FLNB: variants seen among roughly 807,000 people sequenced by gnomAD.
The protein encoded by FLNB is filamin B.
Under a neutral mutation model 250.6 loss-of-function variants are expected in FLNB, and 111 were observed. The observed-to-expected ratio is 0.44, with a 90% CI of 0.38 to 0.52. The LOEUF (loss-of-function observed/expected upper bound fraction) is 0.52. Among genes scored for constraint, FLNB ranks in the 20% least tolerant of loss-of-function variants. The pLI is 0.00. For synonymous variants in FLNB, 1,302 were observed against 1,372.1 expected (o/e 0.95, Z 1.13); for missense variants, 2,869 against 3,447.8 (o/e 0.83, Z 4.20).
chr3:58,010,912 C>A (rs1004824128), intron 1 of FLNB, among the ~76,000 whole-genome samples: 2 of 152,060 alleles, frequency 1.3e-5, no homozygotes, highest in African/African-American at 4.8e-5. Context: ...CCTGCTCCCC[C>A]TCCCCACCAC....
chr3:58,044,844 A>T (rs952985141), intron 1 of FLNB, among the ~76,000 whole-genome samples: 1 of 152,170 alleles, frequency 6.6e-6, no homozygotes, highest in African/African-American at 2.4e-5. Flanking sequence ...AGAGGCATGA[A>T]TGAGAATTTC....
chr3:58,123,227 C>T lies in FLNB; in HGVS notation c.3261C>T (p.Cys1087=). 1 of 1,614,134 alleles carries T rather than the reference C, an allele frequency of 6.2e-7. No individual in the cohort carries two copies. The highest frequency in any genetic ancestry group is 1.3e-5 in the African/African-American group (1 of 75,042). Residue 1087 remains cysteine (C), a synonymous_variant, in exon 21 of 46, where the codon TGC becomes TGT. Transcript: ENST00000295956. ...GTCCGTGCGAGGCCAAAATCGAGTG[C>T]TCCGACAATGGTGATGGGACCTGCT... The part of the protein sequence containing the change: ...VEGPCEAKIE[C]SDNGDGTCSV...
rs1489899661 is a variant in FLNB, at chr3:58,150,356, T to C, written c.6367+129T>C. 5.2e-6 allele frequency: 5 copies of C among 952,808 alleles called. No individual in the cohort carries two copies. The African/African-American group carries it at 6.5e-5, about 12-fold the overall frequency. The allele number at this position is 952,808 out of a possible 1,614,324, so 59.0% of individuals were successfully genotyped here. A position where few individuals can be genotyped will look rare whatever the true frequency, so the allele number is the denominator to read the frequency against. On this transcript the variant is annotated intron_variant, in intron 38 of 45. Coordinates refer to ENST00000295956, the MANE Select transcript of FLNB (RefSeq NM_001457.4). ...CAAGTCGGCTGTGCTGACCTTTTCATTTCACTTCATTTCATTATGTTCTTC... is the reference window on the plus strand; with the variant it reads ...CAAGTCGGCTGTGCTGACCTTTTCACTTCACTTCATTTCATTATGTTCTTC...
chr3:58,044,926 A>G (rs1201058668), intron 1 of FLNB, among the ~76,000 whole-genome samples: 2 of 152,234 alleles, frequency 1.3e-5, no homozygotes, highest in Non-Finnish European at 2.9e-5. Flanking sequence ...AGAGTGTGCT[A>G]CAGCCAAGGA....
intron 14 of FLNB, 26 bp downstream of exon 14, chr3:58,109,348 T>C: frequency 6.2e-7 from 1 of 1,607,294 alleles, no homozygotes; most frequent in Non-Finnish European, 8.5e-7. Flanking sequence ...GAATCCTGGC[T>C]GTTTTATGGA....
chr3:58,085,443 C>T (rs1341171249), intron 4 of FLNB, among the ~76,000 whole-genome samples: 1 of 152,174 alleles, frequency 6.6e-6, no homozygotes, highest in Non-Finnish European at 1.5e-5. Context: ...GAAGAGAGAC[C>T]GTTTCATCTT....
At chr3:58,015,780 A>T (rs2106689082) in intron 1 of FLNB, among the ~76,000 whole-genome samples, 1 of 152,302 alleles carries the variant, frequency 6.6e-6, no homozygotes, top group South Asian at 2.1e-4. Flanking sequence ...GCAAGGATCT[A>T]GGTGCCAAGC....
In FLNB at chr3:58,170,918, C is replaced by A; in HGVS notation, c.*156C>A. On this transcript the variant is annotated 3_prime_UTR_variant, in exon 46 of 46. Transcript: ENST00000295956. ...AATGCCTTCAGAAATAAGTCCTAGA[C>A]TGGACTCTTGAGGGACATATTGGAG... 1.4e-6 allele frequency: 1 copy of A among 691,298 alleles called. No individual in the cohort carries two copies. The highest frequency in any genetic ancestry group is 2.5e-6 in the Non-Finnish European group (1 of 401,248). The allele number at this position is 691,298 out of a possible 1,614,324, so 42.8% of individuals were successfully genotyped here. A position where few individuals can be genotyped will look rare whatever the true frequency, so the allele number is the denominator to read the frequency against.
intron 1 of FLNB, among the ~76,000 whole-genome samples, chr3:58,075,969 G>C (rs1006718420): frequency 5.9e-5 from 9 of 152,242 alleles, no homozygotes; most frequent in Admixed American, 2.6e-4. Flanking sequence ...ATGGCAGTGA[G>C]ACTCCTGGAA....
chr3:58,166,725 G>A (rs2097371225), intron 43 of FLNB, among the ~76,000 whole-genome samples: 1 of 152,146 alleles, frequency 6.6e-6, no homozygotes, highest in African/African-American at 2.4e-5. Context: ...TGGAGGCTGA[G>A]GCAGGAGGAT....
chr3:58,031,818 A>G (rs980233412), intron 1 of FLNB, among the ~76,000 whole-genome samples: 40 of 151,954 alleles, frequency 2.6e-4, no homozygotes, highest in African/African-American at 9.7e-4. Context: ...TGCTGGGACT[A>G]TAGACGTGAA....
intron 1 of FLNB, 46 bp downstream of exon 1, chr3:58,008,902 G>A: frequency 6.2e-7 from 1 of 1,608,196 alleles, no homozygotes. Context: ...GTGCCGACCC[G>A]CCCCCGCGCG....
At position 58,142,021 on chromosome 3, in the gene FLNB, C is replaced by T; in HGVS notation, c.5181+92C>T. ...CATCTGCTTCTGGGATTGCTTAAGC[C>T]CTGTGGGTGTCCTGGTCATTGGTGT... is the stretch of plus-strand genomic sequence containing the variant. On this transcript the variant is annotated intron_variant, in intron 30 of 45. Coordinates refer to ENST00000295956, the MANE Select transcript of FLNB (RefSeq NM_001457.4). This position sits in a 1 kb window ranked among gnomAD's most constrained non-coding sequence, Gnocchi z 4.3. 9.4e-7 allele frequency: 1 copy of T among 1,063,900 alleles called. No individual in the cohort carries two copies. The highest frequency in any genetic ancestry group is 1.5e-6 in the Non-Finnish European group (1 of 682,454). The allele number at this position is 1,063,900 out of a possible 1,614,324, so 65.9% of individuals were successfully genotyped here.
chr3:58,152,800 C>G (rs143071344), intron 38 of FLNB: 4 of 1,289,778 alleles, frequency 3.1e-6, no homozygotes, highest in Admixed American at 2.1e-5. Context: ...CTCCGTGCCC[C>G]GCATGCGGCC....
At chr3:58,048,988 G>A (rs1465410814) in intron 1 of FLNB, among the ~76,000 whole-genome samples, 1 of 152,232 alleles carries the variant, frequency 6.6e-6, no homozygotes, top group Non-Finnish European at 1.5e-5. Flanking sequence ...TAGGCCAAAT[G>A]AAGGGCTGGA....
intron 26 of FLNB, 141 bp downstream of exon 26, chr3:58,133,072 C>T: frequency 1.0e-6 from 1 of 961,102 alleles, no homozygotes; most frequent in South Asian, 1.4e-5. Flanking sequence ...TCCATCCATC[C>T]ACCCATCCAT....
chr3:58,035,709 C>T (rs768490846), intron 1 of FLNB, among the ~76,000 whole-genome samples: 20 of 152,110 alleles, frequency 1.3e-4, no homozygotes, highest in Non-Finnish European at 2.5e-4. Flanking sequence ...GAGTGTGATT[C>T]CAGATTGGAA....
In FLNB at chr3:58,128,090, G is replaced by A. The variant is rs369740375; in HGVS notation, c.4222+1328G>A. Among the ~76,000 whole-genome samples the A allele has an allele frequency of 3.4e-4, 52 of 152,248 alleles. No homozygotes were observed. In the South Asian group the frequency reaches 4.2e-3, roughly 12 times the overall value. Reference sequence around the variant, plus strand: ...CCCCAGGAGCAGAAAGAGCCTCAGCGGGGTCTTGTTCTTCTTTCTCTGGGT... The same window carrying A: ...CCCCAGGAGCAGAAAGAGCCTCAGCAGGGTCTTGTTCTTCTTTCTCTGGGT... On this transcript the variant is annotated intron_variant, in intron 24 of 45. Transcript: ENST00000295956.
At chr3:58,103,299 C>T (rs970608958) in intron 9 of FLNB, among the ~76,000 whole-genome samples, 19 of 134,770 alleles carry the variant, frequency 1.4e-4, no homozygotes, top group East Asian at 2.0e-4. Flanking sequence ...TGTGTGCACG[C>T]GCGTGCATGC....
Sources: gnomAD v4.1 joint callset for allele counts (sites outside exome capture counted in the v4.1 genomes callset) on GRCh38, gnomAD v4.1.1 for gene constraint, Gnocchi (gnomAD v3.1) non-coding constraint, MANE v1.5 for transcripts, NCBI Gene and HGNC (gene_info 2026-07-23, HGNC 2026-07-21) for gene names.